Variants in KIAA0586 observed in about 807,000 individuals in gnomAD.
The protein encoded by KIAA0586 is protein TALPID3.
In KIAA0586, 144 loss-of-function variants were observed where a neutral mutation model predicts 169.8. The ratio of observed to expected loss-of-function variants is 0.85; its 90% CI spans 0.74 to 0.97. KIAA0586 has a LOEUF of 0.97. KIAA0586 is among the 50% of genes least tolerant of loss of function. The pLI is 0.00. For synonymous variants in KIAA0586, 625 were observed against 612.4 expected (o/e 1.02, Z -0.30); for missense variants, 1,854 against 1,823.0 (o/e 1.02, Z -0.31).
chr14:58,558,484 G>T, the KIAA0586 span, among the ~76,000 whole-genome samples: 1 of 152,074 alleles, frequency 6.6e-6, no homozygotes, highest in African/African-American at 2.4e-5. Flanking sequence ...GTTGTATAAG[G>T]GTGGATCTTC....
chr14:58,462,048 C>T (rs2040364180), intron 14 of KIAA0586, among the ~76,000 whole-genome samples: 1 of 152,184 alleles, frequency 6.6e-6, no homozygotes, highest in Non-Finnish European at 1.5e-5. Flanking sequence ...CCATTTTCCT[C>T]TCTTATCCTT....
At chr14:58,432,313 A>AT (rs1320038258) in intron 3 of KIAA0586, 75 bp from the exon 4 acceptor site, 3 of 899,646 alleles carry the variant, frequency 3.3e-6, no homozygotes, top group Admixed American at 3.1e-5. Context: ...GTTAAAAAAG[A>AT]TTTTTTTAGT....
At chr14:58,464,356 A>G (rs2040571881) in intron 14 of KIAA0586, among the ~76,000 whole-genome samples, 1 of 151,846 alleles carries the variant, frequency 6.6e-6, no homozygotes, top group Admixed American at 6.6e-5. Context: ...TGGTATCTTC[A>G]CATCTTGGAC....
Position 58,477,181 on chromosome 14 carries a change from A to G in KIAA0586, c.2884A>G (p.Ile962Val). 3 of 1,586,238 alleles carry G rather than the reference A, an allele frequency of 1.9e-6. No homozygotes were observed. The South Asian group carries it at 3.5e-5, about 18-fold the overall frequency. Residue 962 changes from isoleucine (I) to valine (V), a missense_variant, in exon 20 of 31, where the codon ATT becomes GTT. Transcript: ENST00000652326. Reference sequence around the variant, plus strand: ...TGGGCTCTTTCCAGTCCAGCAACAGATTGCACCTAGTATCAGTGTTTCAGT... The same window carrying G: ...TGGGCTCTTTCCAGTCCAGCAACAGGTTGCACCTAGTATCAGTGTTTCAGT... ...ISGLFPVQQQIAPSISVSVSE... is the reference protein window; with the variant it reads ...ISGLFPVQQQVAPSISVSVSE...
intron 17 of KIAA0586, among the ~76,000 whole-genome samples, chr14:58,471,764 A>C (rs2041229661): frequency 6.6e-6 from 1 of 152,078 alleles, no homozygotes; most frequent in Admixed American, 6.5e-5. Flanking sequence ...TTATATAATG[A>C]GGCCTAATGA....
chr14:58,521,227 C>G, intron 29 of KIAA0586: 1 of 1,010,954 alleles, frequency 9.9e-7, no homozygotes, highest in South Asian at 1.4e-5. Context: ...AACACAGTGG[C>G]CAGCAACGTT....
At chr14:58,557,153 T>C in the KIAA0586 span, among the ~76,000 whole-genome samples, 13 of 152,346 alleles carry the variant, frequency 8.5e-5, 1 homozygote, top group African/African-American at 3.1e-4. Context: ...CTTTCTGTTA[T>C]GAATAAAGCT....
chr14:58,433,994 G>T (rs1052107661), intron 4 of KIAA0586, among the ~76,000 whole-genome samples: 2 of 152,018 alleles, frequency 1.3e-5, no homozygotes, highest in Non-Finnish European at 2.9e-5. Context: ...ATGAGACCCC[G>T]TCTCATCAGA....
intron 29 of KIAA0586, among the ~76,000 whole-genome samples, chr14:58,528,211 T>C (rs543052571): frequency 9.2e-5 from 14 of 152,280 alleles, no homozygotes; most frequent in African/African-American, 3.1e-4. Flanking sequence ...AAACAAGTTC[T>C]TAGAGACCTA....
chr14:58,474,090 T>C (rs1356909707), intron 18 of KIAA0586, among the ~76,000 whole-genome samples: 1 of 151,882 alleles, frequency 6.6e-6, no homozygotes, highest in African/African-American at 2.4e-5. Context: ...GATGTGCCAG[T>C]CTCCTTTAAA....
At chr14:58,503,447 G>A (rs562604222) in intron 27 of KIAA0586, among the ~76,000 whole-genome samples, 1 of 152,270 alleles carries the variant, frequency 6.6e-6, no homozygotes, top group Non-Finnish European at 1.5e-5. Context: ...ATTATGATAA[G>A]AATATTCCAG....
downstream of KIAA0586, among the ~76,000 whole-genome samples, chr14:58,555,818 G>A (rs1000728271): frequency 3.9e-5 from 6 of 152,156 alleles, no homozygotes; most frequent in Non-Finnish European, 8.8e-5. Flanking sequence ...TGATTGTTAT[G>A]AGCCAATTAT....
intron 21 of KIAA0586, among the ~76,000 whole-genome samples, chr14:58,484,473 A>C (rs1272460072): frequency 2.0e-5 from 3 of 152,108 alleles, no homozygotes. Context: ...TGGAAGATTA[A>C]GTGAGATGAT....
At chr14:58,522,543 T>G (rs2045298824) in intron 29 of KIAA0586, among the ~76,000 whole-genome samples, 2 of 152,322 alleles carry the variant, frequency 1.3e-5, no homozygotes, top group South Asian at 2.1e-4. Context: ...TGTTGTAGTC[T>G]TAAGATTTGT....
At chr14:58,506,940 G>C (rs1406857446) in intron 27 of KIAA0586, among the ~76,000 whole-genome samples, 1 of 151,662 alleles carries the variant, frequency 6.6e-6, no homozygotes, top group African/African-American at 2.4e-5. Context: ...TTAGCCCAGG[G>C]GTTTCAGACC....
At chr14:58,480,615 T>C (rs1188299520) in intron 20 of KIAA0586, among the ~76,000 whole-genome samples, 1 of 152,182 alleles carries the variant, frequency 6.6e-6, no homozygotes, top group Non-Finnish European at 1.5e-5. Flanking sequence ...TTCTCATTTT[T>C]GAGATCACAG....
chr14:58,463,826 T>TAAA (rs11389147), intron 14 of KIAA0586: 297 of 209,100 alleles, frequency 1.4e-3, no homozygotes, highest in South Asian at 3.4e-3. Context: ...ACCCTGTCTC[T>TAAA]AAAAAAAAAA....
intron 6 of KIAA0586, among the ~76,000 whole-genome samples, chr14:58,447,591 C>G (rs1333356469): frequency 8.6e-5 from 13 of 152,032 alleles, no homozygotes; most frequent in Admixed American, 8.5e-4. Context: ...AGTGATTCTC[C>G]TGCCTCAGCC....
chr14:58,483,890 A>G (rs1175472242), intron 21 of KIAA0586, among the ~76,000 whole-genome samples: 1 of 152,096 alleles, frequency 6.6e-6, no homozygotes, highest in East Asian at 1.9e-4. Context: ...TTTTGTAGAG[A>G]TTGTTGTGGT....
Sources: gnomAD v4.1 joint callset for allele counts (sites outside exome capture counted in the v4.1 genomes callset) on GRCh38, gnomAD v4.1.1 for gene constraint, MANE v1.5 for transcripts, NCBI Gene and HGNC (gene_info 2026-07-23, HGNC 2026-07-21) for gene names.